Variants in CARF observed in about 807,000 individuals in gnomAD.
CARF encodes the protein calcium responsive transcription factor, also known as calcium-responsive transcription factor.
In CARF, 57 loss-of-function variants were observed where a neutral mutation model predicts 82.0. That is an observed-to-expected ratio of 0.70 (90% CI 0.56 to 0.87). The LOEUF (loss-of-function observed/expected upper bound fraction) is 0.87, where lower values mean the gene tolerates loss of function less well. Ranked by LOEUF, CARF falls within the 40% of genes least tolerant of loss-of-function variation. The probability of loss-of-function intolerance (pLI) is 0.00; values close to 1 mark genes in which losing one functional copy is unlikely to be tolerated. For synonymous variants in CARF, 268 were observed against 290.1 expected (o/e 0.92, Z 0.77); for missense variants, 771 against 855.8 (o/e 0.90, Z 1.24).
chr2:202,955,387 T>C (rs1661278835), intron 7 of CARF, among the ~76,000 whole-genome samples: 1 of 152,196 alleles, frequency 6.6e-6, no homozygotes, highest in African/African-American at 2.4e-5. Flanking sequence ...AGTTATATAA[T>C]AAGAGCACAA....
chr2:202,956,953 TA>T lies in CARF; in HGVS notation c.642+1197del, dbSNP rs1174583574. Among the ~76,000 whole-genome samples the T allele has an allele frequency of 2.0e-5, 3 of 152,196 alleles. No homozygotes were observed. In the East Asian group the frequency reaches 5.8e-4, roughly 29 times the overall value. On this transcript the variant is annotated intron_variant, in intron 8 of 16. Coordinates refer to ENST00000438828, the MANE Select transcript of CARF (RefSeq NM_024744.17). ...ACTTGCGCGTGCCACCACGCTCAGC[TA>T]ATTTTTGTATTTTTAGTAGAGACAG...
intron 5 of CARF, among the ~76,000 whole-genome samples, chr2:202,952,119 C>T (rs1218087509): frequency 6.6e-6 from 1 of 152,140 alleles, no homozygotes; most frequent in Non-Finnish European, 1.5e-5. Flanking sequence ...GTATGAGCCA[C>T]CATGCCTGAC....
chr2:202,935,003 A>G (rs1196286812), intron 3 of CARF, among the ~76,000 whole-genome samples: 2 of 148,122 alleles, frequency 1.4e-5, no homozygotes, highest in Admixed American at 1.4e-4. Context: ...CTTGAACTGG[A>G]GAGGTAGAGG....
chr2:202,951,466 A>G (rs1315431228), intron 5 of CARF, among the ~76,000 whole-genome samples: 4 of 152,158 alleles, frequency 2.6e-5, no homozygotes, highest in Non-Finnish European at 5.9e-5. Context: ...CTAAAGAGGT[A>G]ATAGGAGAGT....
In CARF at chr2:202,974,457, T is replaced by TG; in HGVS notation, c.1457dup (p.Asp487ArgfsTer5). ...ATGAGGTACAGAAATCCTTGAGAAA[T>TG]GGAGATACGGTATATAACTCAGAGA... On this transcript the variant is annotated frameshift_variant, in exon 13 of 17. Coordinates refer to ENST00000438828, the MANE Select transcript of CARF (RefSeq NM_024744.17). LOFTEE classifies it high-confidence loss of function. 1.9e-6 allele frequency: 3 copies of TG among 1,607,232 alleles called. No individual in the cohort carries two copies. Among genetic ancestry groups the TG allele is most frequent in the Non-Finnish European group, 2.5e-6 (3 of 1,178,276 alleles).
chr2:202,935,001 GGA>G (rs1428179697), intron 3 of CARF, among the ~76,000 whole-genome samples: 3 of 149,848 alleles, frequency 2.0e-5, no homozygotes, highest in South Asian at 2.1e-4. Context: ...CGCTTGAACT[GGA>G]GAGGTAGAGG....
At chr2:202,954,703 C>CGCTGTCTCGA (rs1275557498) in intron 7 of CARF, among the ~76,000 whole-genome samples, 3 of 136,678 alleles carry the variant, frequency 2.2e-5, no homozygotes, top group African/African-American at 2.7e-5. Flanking sequence ...CAGAGCGAGA[C>CGCTGTCTCGA]ATCATTTAAA....
At chr2:202,948,417 G>T (rs867756904) in intron 5 of CARF, among the ~76,000 whole-genome samples, 2 of 152,254 alleles carry the variant, frequency 1.3e-5, no homozygotes, top group Middle Eastern at 6.8e-3. Flanking sequence ...GATAGGAATA[G>T]CATTGAATCT....
rs1343432822 is a variant in CARF, at chr2:202,917,964, T to A, written c.-242T>A. 3 of 425,422 alleles carry A rather than the reference T, an allele frequency of 7.1e-6. No individual in the cohort carries two copies. Among genetic ancestry groups the A allele is most frequent in the East Asian group, 1.5e-4 (2 of 13,682 alleles). The allele number at this position is 425,422 out of a possible 1,614,324, so 26.4% of individuals were successfully genotyped here. A position where few individuals can be genotyped will look rare whatever the true frequency, so the allele number is the denominator to read the frequency against. ...ATTTAGTGCCCCCAAAAGGAAGAAC[T>A]TCAGTGGACAAGAAAGGACATTTCT... On this transcript the variant is annotated 5_prime_UTR_variant, in exon 2 of 17. Coordinates refer to ENST00000438828, the MANE Select transcript of CARF (RefSeq NM_024744.17).
At chr2:202,945,339 C>T (rs886210831) in intron 5 of CARF, among the ~76,000 whole-genome samples, 6 of 151,980 alleles carry the variant, frequency 3.9e-5, no homozygotes, top group Non-Finnish European at 7.4e-5. Context: ...TTAACTTTTA[C>T]TTTAGGTTCG....
chr2:202,955,001 G>C (rs553056739), intron 7 of CARF, among the ~76,000 whole-genome samples: 1 of 151,046 alleles, frequency 6.6e-6, no homozygotes, highest in African/African-American at 2.4e-5. Flanking sequence ...GTGACAGAGC[G>C]AGACGCTGTC....
intron 10 of CARF, among the ~76,000 whole-genome samples, chr2:202,968,009 A>C (rs1359125243): frequency 6.6e-6 from 1 of 152,248 alleles, no homozygotes; most frequent in Non-Finnish European, 1.5e-5. Flanking sequence ...AAAGTGTTTT[A>C]AACTATTAAG....
At position 202,970,009 on chromosome 2, in the gene CARF, G is replaced by A. The variant is rs1417679734; in HGVS notation, c.1044G>A (p.Glu348=). The change falls in exon 11 of 17, where the codon GAG becomes GAA. Residue 348 remains glutamate (E), a synonymous_variant. Coordinates refer to ENST00000438828, the MANE Select transcript of CARF (RefSeq NM_024744.17). Reference sequence around the variant, plus strand: ...AGAAAATTATCAGAATGGAGCAGGAGAAAGCTTTTAACATGCTAAAGAAGA... The same window carrying A: ...AGAAAATTATCAGAATGGAGCAGGAAAAAGCTTTTAACATGCTAAAGAAGA... The part of the protein sequence containing the change: ...IDKKIIRMEQ[E]KAFNMLKKNL... The A allele has an allele frequency of 6.3e-7, 1 of 1,580,768 alleles. No homozygotes were observed. Among genetic ancestry groups the A allele is most frequent in the African/African-American group, 1.4e-5 (1 of 72,804 alleles).
intron 5 of CARF, among the ~76,000 whole-genome samples, chr2:202,947,439 A>C (rs1240195281): frequency 6.6e-6 from 1 of 152,072 alleles, no homozygotes; most frequent in Non-Finnish European, 1.5e-5. Context: ...GAACACATGG[A>C]CACAGGGAGG....
rs1574834708 is a variant in CARF, at chr2:202,986,883, T to TATATATATAC, written c.*3268_*3269insCATATATATA. On this transcript the variant is annotated 3_prime_UTR_variant, in exon 17 of 17. Coordinates refer to ENST00000438828, the MANE Select transcript of CARF (RefSeq NM_024744.17). ...ATGTCTGTGCGTATATATATATATA[T>TATATATATAC]ATATATATATATATATATATATATA... The TATATATATAC allele has an allele frequency of 1.7e-5, 2 of 118,026 alleles. No homozygotes were observed. Among genetic ancestry groups the TATATATATAC allele is most frequent in the South Asian group, 3.0e-4 (1 of 3,370 alleles). 7.3% of individuals were successfully genotyped at this position (118,026 alleles called of 1,614,324 possible). A position where few individuals can be genotyped will look rare whatever the true frequency, so the allele number is the denominator to read the frequency against.
At chr2:202,968,945 G>A (rs531488552) in intron 10 of CARF, among the ~76,000 whole-genome samples, 1 of 152,262 alleles carries the variant, frequency 6.6e-6, no homozygotes, top group South Asian at 2.1e-4. Context: ...TTGAATTTGG[G>A]TGGGTAGAGA....
intron 3 of CARF, among the ~76,000 whole-genome samples, chr2:202,940,411 T>A (rs763187829): frequency 4.3e-4 from 65 of 152,198 alleles, no homozygotes; most frequent in Non-Finnish European, 8.4e-4. Context: ...AGACATTGAA[T>A]AATTATATTC....
At chr2:202,956,121 C>T (rs1411034044) in intron 8 of CARF, among the ~76,000 whole-genome samples, 1 of 151,104 alleles carries the variant, frequency 6.6e-6, no homozygotes, top group East Asian at 1.9e-4. Context: ...CTTCAAGGCT[C>T]ACTTTCTGAC....
intron 13 of CARF, among the ~76,000 whole-genome samples, chr2:202,975,309 T>A (rs758816177): frequency 3.9e-5 from 6 of 152,142 alleles, no homozygotes; most frequent in Non-Finnish European, 7.4e-5. Flanking sequence ...CCGGGCATGG[T>A]GGCAGGTGCC....
Sources: gnomAD v4.1 joint callset for allele counts (sites outside exome capture counted in the v4.1 genomes callset) on GRCh38, gnomAD v4.1.1 for gene constraint, MANE v1.5 for transcripts, NCBI Gene and HGNC (gene_info 2026-07-23, HGNC 2026-07-21) for gene names.